The following FCHSD2 variants were observed in gnomAD, a reference collection of about 807,000 sequenced individuals.
FCHSD2 encodes FCH and double SH3 domains 2, also known as F-BAR and double SH3 domains protein 2.
In FCHSD2, 38 loss-of-function variants were observed where a neutral mutation model predicts 108.1. The ratio of observed to expected loss-of-function variants is 0.35; its 90% CI spans 0.27 to 0.46. The LOEUF (loss-of-function observed/expected upper bound fraction) is 0.46. Among genes scored for constraint, FCHSD2 ranks in the 20% least tolerant of loss-of-function variants. FCHSD2 has a pLI of 1.00. For synonymous variants in FCHSD2, 279 were observed against 314.7 expected (o/e 0.89, Z 1.20); for missense variants, 751 against 897.8 (o/e 0.84, Z 2.09).
intron 2 of FCHSD2, among the ~76,000 whole-genome samples, chr11:73,091,241 G>A (rs1208551674): frequency 6.6e-6 from 1 of 152,120 alleles, no homozygotes; most frequent in Non-Finnish European, 1.5e-5. Context: ...AAATCTGTAT[G>A]TAAAGACACG....
intron 3 of FCHSD2, among the ~76,000 whole-genome samples, chr11:73,060,624 G>A (rs1859137872): frequency 6.6e-6 from 1 of 152,084 alleles, no homozygotes; most frequent in South Asian, 2.1e-4. Context: ...TTGATGGATT[G>A]TCCACTCATC....
intron 8 of FCHSD2, chr11:72,983,664 A>C (rs1857258617): frequency 4.6e-6 from 1 of 218,032 alleles, no homozygotes; most frequent in Non-Finnish European, 9.5e-6. Flanking sequence ...TTATGCTAAA[A>C]TGTCTTTCTC....
intron 3 of FCHSD2, among the ~76,000 whole-genome samples, chr11:73,068,829 A>AAAAAAG (rs1859361963): frequency 6.7e-6 from 1 of 148,298 alleles, no homozygotes; most frequent in African/African-American, 2.5e-5. Context: ...AAAAAAAAAA[A>AAAAAAG]AAAGAAAAAG....
chr11:72,959,220 CTTTTTTT>C (rs11408216), intron 8 of FCHSD2, among the ~76,000 whole-genome samples: 892 of 56,262 alleles, frequency 0.016, 6 homozygotes, highest in African/African-American at 0.06. Context: ...ATCCAGCAGT[CTTTTTTT>C]TTTTTTTTTT....
intron 3 of FCHSD2, among the ~76,000 whole-genome samples, chr11:73,059,827 A>G (rs1859118968): frequency 6.6e-6 from 1 of 152,152 alleles, no homozygotes; most frequent in African/African-American, 2.4e-5. Context: ...TAAGGAACAG[A>G]CAACAGTTTT....
rs762903410 is a variant in FCHSD2 at position 73,074,891 on chromosome 11, G to A, written c.165+8804C>T. On this transcript the variant is annotated intron_variant, in intron 3 of 19. Transcript: ENST00000409418. The stretch of plus-strand genomic sequence containing the variant: ...CACGCCACTGCACTCCAGCCTAGGC[G>A]ACAGAGTGAGACCCTGTCCCAAGGA... Among the ~76,000 whole-genome samples, 42 of 152,212 alleles carry A rather than the reference G, an allele frequency of 2.8e-4. 1 individual carries two copies. The highest frequency in any genetic ancestry group is 5.1e-4 in the Non-Finnish European group (35 of 67,998).
At chr11:73,140,260 C>A in intron 1 of FCHSD2, 132 bp from the exon 2 acceptor site, 1 of 514,402 alleles carries the variant, frequency 1.9e-6, no homozygotes, top group Non-Finnish European at 3.4e-6. Flanking sequence ...CAATATTCGC[C>A]ATCTAGTTTT....
intron 2 of FCHSD2, among the ~76,000 whole-genome samples, chr11:73,084,698 C>T (rs1310090277): frequency 6.6e-6 from 1 of 152,224 alleles, no homozygotes; most frequent in Non-Finnish European, 1.5e-5. Context: ...TTAGCCAGTA[C>T]ATCCTTCACC....
intron 8 of FCHSD2, among the ~76,000 whole-genome samples, chr11:72,946,315 A>G (rs1250105974): frequency 6.8e-6 from 1 of 146,998 alleles, no homozygotes; most frequent in Non-Finnish European, 1.5e-5. Context: ...CAAACACCAC[A>G]TGTTCTCACT....
chr11:73,078,512 C>T (rs369020667), intron 3 of FCHSD2, among the ~76,000 whole-genome samples: 8 of 152,126 alleles, frequency 5.3e-5, no homozygotes, highest in African/African-American at 1.9e-4. Context: ...CTACTACATG[C>T]AACAACATGC....
intron 3 of FCHSD2, among the ~76,000 whole-genome samples, chr11:73,030,041 C>A (rs1421457639): frequency 6.6e-6 from 1 of 152,098 alleles, no homozygotes; most frequent in Non-Finnish European, 1.5e-5. Context: ...ACAACAACAA[C>A]AAAAATCACA....
intron 19 of FCHSD2, among the ~76,000 whole-genome samples, chr11:72,839,274 C>T (rs1279633866): frequency 6.6e-6 from 1 of 152,084 alleles, no homozygotes; most frequent in Non-Finnish European, 1.5e-5. Context: ...TTGTGAAGGG[C>T]CTTGTTAAAC....
intron 8 of FCHSD2, among the ~76,000 whole-genome samples, chr11:72,962,166 C>G (rs1368425336): frequency 6.6e-6 from 1 of 151,976 alleles, no homozygotes; most frequent in Non-Finnish European, 1.5e-5. Flanking sequence ...TCTCTGAGAC[C>G]CTTTTAGGGG....
At chr11:72,955,285 C>T (rs558036622) in intron 8 of FCHSD2, among the ~76,000 whole-genome samples, 2 of 152,308 alleles carry the variant, frequency 1.3e-5, no homozygotes, top group East Asian at 1.9e-4. Context: ...TTTATACTTA[C>T]TCATTTATTA....
intron 3 of FCHSD2, among the ~76,000 whole-genome samples, chr11:73,067,154 A>AT (rs1859314763): frequency 6.6e-6 from 1 of 152,226 alleles, no homozygotes; most frequent in South Asian, 2.1e-4. Flanking sequence ...CCATGCAGCC[A>AT]TAAAAAAGGA....
chr11:73,133,500 G>A (rs752125122), intron 2 of FCHSD2, among the ~76,000 whole-genome samples: 21 of 152,126 alleles, frequency 1.4e-4, no homozygotes, highest in South Asian at 6.2e-4. Flanking sequence ...CAGGCTGGGC[G>A]CAGTGGCTCA....
chr11:73,092,649 C>T (rs1859984805), intron 2 of FCHSD2, among the ~76,000 whole-genome samples: 1 of 152,154 alleles, frequency 6.6e-6, no homozygotes, highest in Non-Finnish European at 1.5e-5. Flanking sequence ...TCAGACTCTT[C>T]ATAAATTTGA....
At chr11:73,083,783 A>G in intron 2 of FCHSD2, 43 bp from the exon 3 acceptor site, 1 of 1,246,752 alleles carries the variant, frequency 8.0e-7, no homozygotes, top group Non-Finnish European at 1.1e-6. Flanking sequence ...GGATAACTTA[A>G]TAATTTAATG....
At chr11:73,125,584 A>G (rs753982385) in intron 2 of FCHSD2, among the ~76,000 whole-genome samples, 1 of 152,168 alleles carries the variant, frequency 6.6e-6, no homozygotes, top group African/African-American at 2.4e-5. Flanking sequence ...ACACATCTGT[A>G]GTCTGAGCTA....
Sources: allele counts gnomAD v4.1 joint callset (sites outside exome capture counted in the v4.1 genomes callset), GRCh38; gene constraint gnomAD v4.1.1; transcripts MANE v1.5; gene names NCBI Gene and HGNC (gene_info 2026-07-23, HGNC 2026-07-21).